Variants in OTOG observed in about 807,000 individuals in gnomAD.
OTOG encodes the protein otogelin.
Under a neutral mutation model 313.8 loss-of-function variants are expected in OTOG, and 296 were observed. The ratio of observed to expected loss-of-function variants is 0.94; its 90% CI spans 0.86 to 1.04. OTOG has a LOEUF of 1.04. Ranked by LOEUF, OTOG falls within the 50% of genes least tolerant of loss-of-function variation. The pLI, the probability that OTOG is intolerant of heterozygous loss-of-function variation, is 0.00. For synonymous variants in OTOG, 1,533 were observed against 1,554.9 expected (o/e 0.99, Z 0.33); for missense variants, 3,948 against 3,840.1 (o/e 1.03, Z -0.74).
rs1421610135 is a variant in OTOG at position 17,612,206 on chromosome 11, C to T, written c.6168C>T (p.Gly2056=). 4 of 1,549,672 alleles carry T rather than the reference C, an allele frequency of 2.6e-6. No homozygotes were observed. In the African/African-American group the frequency reaches 4.1e-5, roughly 16 times the overall value. The change falls in exon 37 of 56, where the codon GGC becomes GGT. Residue 2056 remains glycine, a synonymous_variant. Coordinates refer to ENST00000399397, the MANE Select transcript of OTOG (RefSeq NM_001292063.2). ...GCGTCCGCCACATCTGCCTGGAGGG[C>T]CAGCTGATTCGCGTGAATCAGTCCC... ...QDCVRHICLE[G]QLIRVNQSQH...
In OTOG at chr11:17,555,826, G is replaced by A. The variant is rs1359811595; in HGVS notation, c.588G>A (p.Arg196=). The A allele has an allele frequency of 1.3e-6, 2 of 1,550,828 alleles. No homozygotes were observed. The highest frequency in any genetic ancestry group is 2.0e-5 in the Admixed American group (1 of 51,008). Residue 196 remains arginine, a synonymous_variant, in exon 7 of 56, where the codon AGG becomes AGA. Transcript: ENST00000399397. The stretch of plus-strand genomic sequence containing the variant: ...GCTCTTCACCCTACACCTGCTCCAG[G>A]GCTGTCAGCCTCTTCTTTGTGGGTG... ...QCGSSPYTCS[R]AVSLFFVGEQ...
At chr11:17,571,016 G>C (rs1029999513) in intron 17 of OTOG, among the ~76,000 whole-genome samples, 1 of 152,194 alleles carries the variant, frequency 6.6e-6, no homozygotes, top group Non-Finnish European at 1.5e-5. Flanking sequence ...TAGGAACTTA[G>C]GAAGGTTGAT....
chr11:17,596,832 A>G lies in OTOG; in HGVS notation c.3526-19A>G. Reference sequence around the variant, plus strand: ...ATTTGGGATCTGTCCTCTGACCTCTAACTTCTGACCTTCTCCAGGTTGATG... The same window carrying G: ...ATTTGGGATCTGTCCTCTGACCTCTGACTTCTGACCTTCTCCAGGTTGATG... On this transcript the variant is annotated intron_variant, in intron 29 of 55. Transcript: ENST00000399397. The G allele has an allele frequency of 6.5e-7, 1 of 1,548,904 alleles. No individual in the cohort carries two copies. The highest frequency in any genetic ancestry group is 2.4e-5 in the East Asian group (1 of 40,872).
At chr11:17,600,491 T>C (rs554185906) in intron 31 of OTOG, among the ~76,000 whole-genome samples, 3 of 152,318 alleles carry the variant, frequency 2.0e-5, no homozygotes, top group African/African-American at 7.2e-5. Context: ...CTTTTTGTCC[T>C]CAGTTGCCTG....
chr11:17,641,851 AG>A lies in OTOG; in HGVS notation c.8197del (p.Glu2733SerfsTer61). ...VLCDIHCEAN[Q>X]EYEHPRDLAA... ...CCACCCCGCCCTGGCCTGTAGAACC[AG>A]GAGTACGAGCACCCGCGGGACCTCG... is the stretch of plus-strand genomic sequence containing the variant. On this transcript the variant is annotated frameshift_variant, in exon 52 of 56. Coordinates refer to ENST00000399397, the MANE Select transcript of OTOG (RefSeq NM_001292063.2). LOFTEE classifies it high-confidence loss of function. 1 of 1,549,476 alleles carries A rather than the reference AG, an allele frequency of 6.5e-7. No homozygotes were observed. The highest frequency in any genetic ancestry group is 8.7e-7 in the Non-Finnish European group (1 of 1,146,366).
chr11:17,608,930 C>T (rs1299510824), intron 34 of OTOG, among the ~76,000 whole-genome samples, 200 bp from the exon 35 acceptor site: 2 of 152,014 alleles, frequency 1.3e-5, no homozygotes, highest in Non-Finnish European at 2.9e-5. Context: ...AGGAGTGTGC[C>T]GCATACACAT....
At position 17,573,110 on chromosome 11, in the gene OTOG, A is replaced by G. The variant is rs562612507; in HGVS notation, c.2113A>G (p.Thr705Ala). The change falls in exon 19 of 56, where the codon ACG becomes GCG. Residue 705 changes from threonine (T) to alanine (A), a missense_variant. By Grantham distance (58) the Thr-to-Ala change is moderately conservative (BLOSUM62 0). Transcript: ENST00000399397. ...CTCAGTGCAGGCCTGCAGCGTGCTCACGGGGGAGATGTTTGCGCCCTGCTC... is the reference window on the plus strand; with the variant it reads ...CTCAGTGCAGGCCTGCAGCGTGCTCGCGGGGGAGATGTTTGCGCCCTGCTC... ...SYSVQACSVL[T>A]GEMFAPCSAF... is the part of the protein sequence containing the mutation. The G allele has an allele frequency of 1.0e-4, 161 of 1,548,280 alleles. No homozygotes were observed. In the African/African-American group the frequency reaches 1.9e-3, roughly 19 times the overall value.
intron 24 of OTOG, among the ~76,000 whole-genome samples, chr11:17,590,607 C>T (rs1017345301): frequency 1.4e-4 from 22 of 152,218 alleles, no homozygotes; most frequent in African/African-American, 4.3e-4. Context: ...CACACAGTGT[C>T]ATTCCCATGA....
At chr11:17,596,218 C>T in intron 29 of OTOG, 64 bp downstream of exon 29, 1 of 1,149,310 alleles carries the variant, frequency 8.7e-7, no homozygotes, top group Non-Finnish European at 1.3e-6. Context: ...ATCCCTTCAG[C>T]TCTCAGACTC....
Position 17,593,742 on chromosome 11 carries a change from G to A in OTOG, c.3274G>A (p.Gly1092Arg). 6.5e-7 allele frequency: 1 copy of A among 1,548,560 alleles called. No homozygotes were observed. Among genetic ancestry groups the A allele is most frequent in the Non-Finnish European group, 8.7e-7 (1 of 1,146,882 alleles). ...DQRTTVHVQA[G>R]PQWQGQLAGL... ...GAGAACCACAGTGCACGTCCAGGCT[G>A]GGCCTCAGTGGCAGGTACTTACATG... Residue 1092 changes from glycine (G) to arginine (R), a missense_variant, in exon 27 of 56, where the codon GGG (glycine) becomes AGG (arginine). Transcript: ENST00000399397.
chr11:17,634,929 C>G lies in OTOG; in HGVS notation c.7566C>G (p.Cys2522Trp). 2.0e-6 allele frequency: 3 copies of G among 1,507,172 alleles called. No individual in the cohort carries two copies. The highest frequency in any genetic ancestry group is 4.0e-5 in the Admixed American group (2 of 49,474). The allele number at this position is 1,507,172 out of a possible 1,614,324, so 93.4% of individuals were successfully genotyped here. A position where few individuals can be genotyped will look rare whatever the true frequency, so the allele number is the denominator to read the frequency against. Reference protein sequence around the residue: ...RLLTHFQEDSCCPSYSCECDP... With the variant: ...RLLTHFQEDSWCPSYSCECDP... ...TCACCCACTTCCAGGAGGACTCCTG[C>G]TGCCCCAGCTACAGCTGTGGTGAGA... The change falls in exon 45 of 56, where the codon TGC (cysteine) becomes TGG (tryptophan). Residue 2522 changes from cysteine to tryptophan, a missense_variant. Physicochemically the swap from Cys to Trp is radical, Grantham distance 215. Transcript: ENST00000399397.
chr11:17,610,404 A>G lies in OTOG; in HGVS notation c.5104A>G (p.Thr1702Ala), dbSNP rs1166812404. The G allele has an allele frequency of 3.2e-6, 5 of 1,550,506 alleles. No individual in the cohort carries two copies. Among genetic ancestry groups the G allele is most frequent in the Non-Finnish European group, 4.4e-6 (5 of 1,146,928 alleles). The part of the protein sequence containing the change: ...SPSTPLTVAG[T>A]AAEQVPVSPL... Reference sequence around the variant, plus strand: ...CAGCACCCCTCTAACTGTGGCTGGAACAGCAGCAGAACAGGTTCCTGTCAG... The same window carrying G: ...CAGCACCCCTCTAACTGTGGCTGGAGCAGCAGCAGAACAGGTTCCTGTCAG... The change falls in exon 36 of 56, where the codon ACA becomes GCA. Residue 1702 changes from threonine (T) to alanine (A), a missense_variant. Transcript: ENST00000399397.
intron 7 of OTOG, 38 bp downstream of exon 7, chr11:17,555,935 C>G: frequency 1.2e-5 from 17 of 1,463,788 alleles, no homozygotes; most frequent in Non-Finnish European, 1.6e-5. Flanking sequence ...TGTCCTATCC[C>G]TGACACTGGT....
rs1852174902 is a variant in OTOG, at chr11:17,561,196, G to A, written c.1498+59G>A. The A allele has an allele frequency of 4.5e-5, 70 of 1,538,618 alleles. No individual in the cohort carries two copies. The South Asian group carries it at 7.9e-4, about 17-fold the overall frequency. On this transcript the variant is annotated intron_variant, in intron 14 of 55. Coordinates refer to ENST00000399397, the MANE Select transcript of OTOG (RefSeq NM_001292063.2). ...TTCTACCAGTCTGATAGGTTTTGGG[G>A]CAAGGAATCTCTGGGGGCCAGGCTT...
In OTOG at chr11:17,573,258, C is replaced by A; in HGVS notation, c.2261C>A (p.Pro754His). The A allele has an allele frequency of 6.5e-7, 1 of 1,530,438 alleles. No individual in the cohort carries two copies. Among genetic ancestry groups the A allele is most frequent in the Non-Finnish European group, 8.8e-7 (1 of 1,142,528 alleles). The allele number at this position is 1,530,438 out of a possible 1,614,324, so 94.8% of individuals were successfully genotyped here. A position where few individuals can be genotyped will look rare whatever the true frequency, so the allele number is the denominator to read the frequency against. Residue 754 changes from proline (P) to histidine (H), a missense_variant, in exon 19 of 56, where the codon CCC becomes CAC. By Grantham distance (77) the Pro-to-His change is moderately conservative. Transcript: ENST00000399397. The stretch of plus-strand genomic sequence containing the variant: ...CACCTGTGCCGGCGCCATGGGCTCC[C>A]CGTTGATTTCCGCGCCCGCCTGCCA... ...YAHLCRRHGL[P>H]VDFRARLPAC...
At chr11:17,578,638 GC>G in intron 23 of OTOG, 112 bp downstream of exon 23, 1 of 1,321,056 alleles carries the variant, frequency 7.6e-7, no homozygotes, top group Non-Finnish European at 1.0e-6. Flanking sequence ...GAAGGCACTG[GC>G]CCAGGCTGGC....
chr11:17,598,356 T>A lies in OTOG; in HGVS notation c.3683-1315T>A, dbSNP rs117997551. On this transcript the variant is annotated intron_variant, in intron 30 of 55. Transcript: ENST00000399397. ...TAATGTTTCCTTTTGTCTCAGTCTC[T>A]ACTCTGGCTCAGTGGGAGACTGTTA... Among the ~76,000 whole-genome samples the A allele has an allele frequency of 1.2e-4, 18 of 152,374 alleles. No individual in the cohort carries two copies. In the East Asian group the frequency reaches 3.5e-3, roughly 29 times the overall value.
At chr11:17,637,652 T>C (rs1324995597) in intron 47 of OTOG, among the ~76,000 whole-genome samples, 3 of 152,278 alleles carry the variant, frequency 2.0e-5, no homozygotes, top group Admixed American at 2.0e-4. Flanking sequence ...GTCACAAGAA[T>C]TGATGTTAAC....
Position 17,557,338 on chromosome 11 carries a change from G to T in OTOG, c.865+15G>T. 1 of 1,550,160 alleles carries T rather than the reference G, an allele frequency of 6.5e-7. No homozygotes were observed. Among genetic ancestry groups the T allele is most frequent in the South Asian group, 1.2e-5 (1 of 84,026 alleles). ...GACCAGCTCTGGTGAGGGTCAGACA[G>T]GTGGCCTCTGAGGGGTGTTGGTGGG... On this transcript the variant is annotated intron_variant, in intron 8 of 55. Transcript: ENST00000399397.
Sources: allele counts gnomAD v4.1 joint callset (sites outside exome capture counted in the v4.1 genomes callset), GRCh38; gene constraint gnomAD v4.1.1; transcripts MANE v1.5; gene names NCBI Gene and HGNC (gene_info 2026-07-23, HGNC 2026-07-21).